MEGF9: variants seen among roughly 807,000 people sequenced by gnomAD.
MEGF9 encodes the protein multiple epidermal growth factor-like domains protein 9.
In MEGF9, 6 loss-of-function variants were observed where a neutral mutation model predicts 46.8. The observed-to-expected ratio is 0.13, with a 90% CI of 0.07 to 0.25. MEGF9 has a LOEUF of 0.25. Ranked by LOEUF, MEGF9 falls within the 10% of genes least tolerant of loss-of-function variation. MEGF9 has a pLI of 1.00. For synonymous variants in MEGF9, 302 were observed against 330.7 expected (o/e 0.91, Z 0.94); for missense variants, 683 against 792.4 (o/e 0.86, Z 1.66).
At chr9:120,703,836 G>A (rs1442806921) in intron 1 of MEGF9, among the ~76,000 whole-genome samples, 1 of 152,008 alleles carries the variant, frequency 6.6e-6, no homozygotes, top group Non-Finnish European at 1.5e-5. Context: ...AGCTGGGTGT[G>A]GTGGTGGGTG....
At chr9:120,699,973 C>G (rs2043896167) in intron 1 of MEGF9, among the ~76,000 whole-genome samples, 1 of 151,950 alleles carries the variant, frequency 6.6e-6, no homozygotes, top group Admixed American at 6.6e-5. Flanking sequence ...TGTAAAGAAG[C>G]CATATATAAA....
chr9:120,687,628 G>GT (rs2043828574), intron 1 of MEGF9, among the ~76,000 whole-genome samples: 2 of 150,848 alleles, frequency 1.3e-5, no homozygotes, highest in Non-Finnish European at 2.9e-5. Context: ...AAAAAAGCAT[G>GT]GTAAGAGTTC....
chr9:120,664,624 C>T (rs187493038), intron 1 of MEGF9, among the ~76,000 whole-genome samples: 5 of 152,290 alleles, frequency 3.3e-5, no homozygotes, highest in Admixed American at 1.3e-4. Flanking sequence ...CTACTTGTGG[C>T]TATAATTAAT....
At chr9:120,620,401 G>T (rs1246721188) in intron 3 of MEGF9, among the ~76,000 whole-genome samples, 1 of 151,962 alleles carries the variant, frequency 6.6e-6, no homozygotes, top group African/African-American at 2.4e-5. Context: ...GTTACTATAT[G>T]CTAAAGCTCC....
intron 1 of MEGF9, among the ~76,000 whole-genome samples, chr9:120,667,973 C>G (rs567997696): frequency 6.6e-6 from 1 of 152,176 alleles, no homozygotes; most frequent in African/African-American, 2.4e-5. Flanking sequence ...TGCAGTGAGA[C>G]GAGATCGTGC....
intron 1 of MEGF9, among the ~76,000 whole-genome samples, chr9:120,684,527 C>T (rs1182514049): frequency 6.6e-6 from 1 of 152,210 alleles, no homozygotes; most frequent in East Asian, 1.9e-4. Context: ...TCCCACTCTC[C>T]TGCCACACTT....
chr9:120,676,452 A>AT (rs896986987), intron 1 of MEGF9, among the ~76,000 whole-genome samples: 5 of 151,762 alleles, frequency 3.3e-5, no homozygotes, highest in Admixed American at 6.6e-5. Context: ...TACAACTGTG[A>AT]TTTTTTTTTC....
At chr9:120,659,008 C>T (rs911272224) in intron 2 of MEGF9, among the ~76,000 whole-genome samples, 4 of 152,156 alleles carry the variant, frequency 2.6e-5, no homozygotes, top group Non-Finnish European at 4.4e-5. Context: ...TTTCCTCAAA[C>T]TCCAATGGTA....
intron 1 of MEGF9, among the ~76,000 whole-genome samples, chr9:120,661,965 G>C (rs753291529): frequency 2.6e-5 from 4 of 152,136 alleles, no homozygotes; most frequent in Non-Finnish European, 4.4e-5. Flanking sequence ...AAGTATGTTG[G>C]TGTCAGTAGA....
At chr9:120,683,720 C>T (rs1046319832) in intron 1 of MEGF9, among the ~76,000 whole-genome samples, 1 of 152,030 alleles carries the variant, frequency 6.6e-6, no homozygotes, top group Admixed American at 6.6e-5. Context: ...TGGTAAAACT[C>T]TGTCTCTACT....
At chr9:120,711,578 GT>G (rs2043953249) in intron 1 of MEGF9, among the ~76,000 whole-genome samples, 1 of 152,064 alleles carries the variant, frequency 6.6e-6, no homozygotes, top group South Asian at 2.1e-4. Flanking sequence ...TGGACTTCTG[GT>G]TGTTTATATT....
intron 1 of MEGF9, among the ~76,000 whole-genome samples, chr9:120,710,985 A>AT (rs1467628897): frequency 6.6e-6 from 1 of 152,208 alleles, no homozygotes; most frequent in African/African-American, 2.4e-5. Flanking sequence ...TCCTTCCAAG[A>AT]TTTTTTCACC....
At chr9:120,664,529 C>A (rs2043716435) in intron 1 of MEGF9, among the ~76,000 whole-genome samples, 1 of 152,132 alleles carries the variant, frequency 6.6e-6, no homozygotes, top group Non-Finnish European at 1.5e-5. Flanking sequence ...TCTCCTAGAA[C>A]AAAGAAATGT....
At chr9:120,696,163 C>G (rs2043876104) in intron 1 of MEGF9, among the ~76,000 whole-genome samples, 1 of 152,224 alleles carries the variant, frequency 6.6e-6, no homozygotes, top group Non-Finnish European at 1.5e-5. Flanking sequence ...TTTGGTACCT[C>G]TGGAGATTCT....
chr9:120,684,173 G>A (rs2043811175), intron 1 of MEGF9, among the ~76,000 whole-genome samples: 1 of 152,152 alleles, frequency 6.6e-6, no homozygotes. Flanking sequence ...CAATTTGACA[G>A]GAGAACCTGA....
intron 1 of MEGF9, among the ~76,000 whole-genome samples, chr9:120,699,320 C>G (rs1053013625): frequency 6.6e-6 from 1 of 151,978 alleles, no homozygotes; most frequent in African/African-American, 2.4e-5. Context: ...AAATATTAAA[C>G]TCAATCAGTG....
rs1465373503 is a variant in MEGF9, at chr9:120,714,431, G to A, written c.-73C>T. The A allele has an allele frequency of 2.5e-6, 3 of 1,178,128 alleles. No homozygotes were observed. The highest frequency in any genetic ancestry group is 2.1e-6 in the Non-Finnish European group (2 of 933,842). 73.0% of individuals were successfully genotyped at this position (1,178,128 alleles called of 1,614,324 possible). On this transcript the variant is annotated 5_prime_UTR_variant, in exon 1 of 6. Transcript: ENST00000373930. ...GACCAAGGAAGCCTCCGCAACCGCC[G>A]CCGCCACCGCCACCGGGCGCACCAT...
chr9:120,629,270 G>A (rs552578846), intron 2 of MEGF9, among the ~76,000 whole-genome samples: 4 of 152,234 alleles, frequency 2.6e-5, no homozygotes, highest in Non-Finnish European at 5.9e-5. Flanking sequence ...GTGAGTCACT[G>A]TGCCTGGCCC....
At chr9:120,620,566 A>G (rs939607508) in intron 3 of MEGF9, among the ~76,000 whole-genome samples, 1 of 152,218 alleles carries the variant, frequency 6.6e-6, no homozygotes, top group African/African-American at 2.4e-5. Flanking sequence ...ATAATAAGGA[A>G]ATTACCATTA....
Sources: gnomAD v4.1 joint callset for allele counts (sites outside exome capture counted in the v4.1 genomes callset) on GRCh38, gnomAD v4.1.1 for gene constraint, MANE v1.5 for transcripts, NCBI Gene and HGNC (gene_info 2026-07-23, HGNC 2026-07-21) for gene names.